The following KPNA3 variants were observed in gnomAD, a reference collection of about 807,000 sequenced individuals.
KPNA3 encodes the protein importin subunit alpha-4.
In KPNA3, 13 loss-of-function variants were observed where a neutral mutation model predicts 73.8. That is an observed-to-expected ratio of 0.18 (90% CI 0.11 to 0.28). The LOEUF (loss-of-function observed/expected upper bound fraction) is 0.28, where lower values mean the gene tolerates loss of function less well. Among genes scored for constraint, KPNA3 ranks in the 10% least tolerant of loss-of-function variants. The probability of loss-of-function intolerance (pLI) is 1.00; values close to 1 mark genes in which losing one functional copy is unlikely to be tolerated. For missense variants in KPNA3, 360 were observed against 618.1 expected (o/e 0.58, Z 4.43); for synonymous variants, 186 against 206.9 (o/e 0.90, Z 0.87).
intron 6 of KPNA3, among the ~76,000 whole-genome samples, chr13:49,729,754 T>G (rs1954444588): frequency 6.6e-6 from 1 of 152,164 alleles, no homozygotes; most frequent in Non-Finnish European, 1.5e-5. Flanking sequence ...CACTCCAGCC[T>G]GGGCAACAGA....
chr13:49,707,316 C>T (rs1279882027), intron 12 of KPNA3, among the ~76,000 whole-genome samples: 2 of 152,076 alleles, frequency 1.3e-5, no homozygotes, highest in African/African-American at 4.8e-5. Flanking sequence ...TTTTGCCATC[C>T]AACTGTGGTA....
At position 49,725,414 on chromosome 13, in the gene KPNA3, A is replaced by T. The variant is rs761879824; in HGVS notation, c.469+2T>A. 6.3e-7 allele frequency: 1 copy of T among 1,589,408 alleles called. No individual in the cohort carries two copies. ...AGTTCAGACAGTAAGGAATTTACTTACTAGACTGCACAACAGCTTGAGTCT... is the reference window on the plus strand; with the variant it reads ...AGTTCAGACAGTAAGGAATTTACTTTCTAGACTGCACAACAGCTTGAGTCT... On this transcript the variant is annotated splice_donor_variant, in intron 7 of 16. Transcript: ENST00000261667. LOFTEE classifies it high-confidence loss of function.
intron 1 of KPNA3, among the ~76,000 whole-genome samples, chr13:49,750,693 T>A (rs1429498211): frequency 6.6e-6 from 1 of 151,454 alleles, no homozygotes. Context: ...TAATGAGTGA[T>A]AAAAATGTGT....
In KPNA3 at chr13:49,762,179, C is replaced by T. The variant is rs1409691626; in HGVS notation, c.70-15186G>A. Among the ~76,000 whole-genome samples the T allele has an allele frequency of 6.7e-5, 10 of 148,248 alleles. 1 individual carries two copies. Among genetic ancestry groups the T allele is most frequent in the African/African-American group, 2.0e-4 (8 of 40,144 alleles). On this transcript the variant is annotated intron_variant, in intron 1 of 16. Transcript: ENST00000261667. ...GGGGGGCAGCCCCCGCCCGGCCAGC[C>T]GCCTCGTCCGGGAGGGAGGTGGAGG...
intron 1 of KPNA3, among the ~76,000 whole-genome samples, chr13:49,790,375 G>C (rs1370743821): frequency 6.6e-6 from 1 of 152,206 alleles, no homozygotes; most frequent in Non-Finnish European, 1.5e-5. Flanking sequence ...GCCATGGTGG[G>C]AAGATTCCTT....
At chr13:49,790,605 G>A (rs1218514117) in intron 1 of KPNA3, among the ~76,000 whole-genome samples, 1 of 152,200 alleles carries the variant, frequency 6.6e-6, no homozygotes, top group African/African-American at 2.4e-5. Flanking sequence ...TCATGTTTTA[G>A]TTACACTATA....
At chr13:49,720,657 C>T (rs190755062) in intron 9 of KPNA3, among the ~76,000 whole-genome samples, 39 of 149,390 alleles carry the variant, frequency 2.6e-4, no homozygotes, top group African/African-American at 6.4e-4. Flanking sequence ...GCTTGAACCC[C>T]GGATGTGGAG....
chr13:49,731,848 G>A (rs1164793580), intron 6 of KPNA3, among the ~76,000 whole-genome samples: 1 of 152,090 alleles, frequency 6.6e-6, no homozygotes, highest in Non-Finnish European at 1.5e-5. Flanking sequence ...AATATAACCT[G>A]TCCCCTTATT....
chr13:49,777,347 C>G (rs1414960108), intron 1 of KPNA3, among the ~76,000 whole-genome samples: 1 of 152,136 alleles, frequency 6.6e-6, no homozygotes, highest in East Asian at 1.9e-4. Context: ...CCAGGACCTC[C>G]TAATACCAAA....
chr13:49,705,472 C>A, intron 15 of KPNA3, 149 bp downstream of exon 15: 2 of 860,760 alleles, frequency 2.3e-6, no homozygotes, highest in Non-Finnish European at 3.5e-6. Context: ...TCTTGGAATG[C>A]AAATATAGTG....
chr13:49,749,155 T>C (rs1184343507), intron 1 of KPNA3, among the ~76,000 whole-genome samples: 1 of 152,236 alleles, frequency 6.6e-6, no homozygotes, highest in Non-Finnish European at 1.5e-5. Context: ...ATCATCTTAA[T>C]TCACACTAAG....
intron 1 of KPNA3, among the ~76,000 whole-genome samples, chr13:49,766,890 A>AT (rs1254769418): frequency 6.6e-6 from 1 of 151,924 alleles, no homozygotes; most frequent in Non-Finnish European, 1.5e-5. Context: ...ATCAACTAGA[A>AT]TTTTTTTAAA....
intron 2 of KPNA3, among the ~76,000 whole-genome samples, chr13:49,743,070 ATGTGGTTATTATCTGCACTTTAGAAGC>A (rs1954587968): frequency 6.6e-6 from 1 of 152,160 alleles, no homozygotes; most frequent in Non-Finnish European, 1.5e-5. Flanking sequence ...TGGATAGTGA[ATGTGGTTATTATCTGCACTTTAGAAGC>A]TTACAATCTA....
rs760306195 is a variant in KPNA3 at position 49,719,775 on chromosome 13, G to A, written c.771C>T (p.Asn257=). ...LCVLIYHTDI[N]ILVDTVWALS... is the part of the protein sequence containing the mutation. ...ACATTTAAGCTGCTTCTTAACTTAC[G>A]TTTATATCTGTATGGTATATGAGGA... The change falls in exon 10 of 17, where the codon AAC becomes AAT. Residue 257 remains asparagine (N), a splice_region_variant and synonymous_variant. Transcript: ENST00000261667. 6 of 1,598,522 alleles carry A rather than the reference G, an allele frequency of 3.8e-6. No individual in the cohort carries two copies. Among genetic ancestry groups the A allele is most frequent in the Admixed American group, 3.4e-5 (2 of 59,216 alleles).
At chr13:49,703,093 C>G in intron 15 of KPNA3, among the ~76,000 whole-genome samples, 1 of 151,982 alleles carries the variant, frequency 6.6e-6, no homozygotes, top group Non-Finnish European at 1.5e-5. Flanking sequence ...TGATCTTGAT[C>G]TCCTGACCTC....
intron 2 of KPNA3, among the ~76,000 whole-genome samples, chr13:49,736,922 TCGTATGGTATATAAC>T (rs1954526996): frequency 6.6e-6 from 1 of 152,198 alleles, no homozygotes; most frequent in Non-Finnish European, 1.5e-5. Flanking sequence ...ATAAATGGGA[TCGTATGGTATATAAC>T]CTTTTTATGA....
intron 1 of KPNA3, among the ~76,000 whole-genome samples, chr13:49,751,262 T>A (rs528974218): frequency 6.6e-6 from 1 of 152,162 alleles, no homozygotes; most frequent in South Asian, 2.1e-4. Context: ...TGTACAACCA[T>A]CCAAATAGTT....
chr13:49,732,833 A>G (rs1449538308), intron 3 of KPNA3, 57 bp from the exon 4 acceptor site: 14 of 1,415,006 alleles, frequency 9.9e-6, no homozygotes, highest in East Asian at 2.3e-5. Flanking sequence ...TACATTCATT[A>G]AACAGTGTAC....
intron 2 of KPNA3, among the ~76,000 whole-genome samples, chr13:49,744,711 G>T (rs1954601921): frequency 6.6e-6 from 1 of 152,026 alleles, no homozygotes; most frequent in African/African-American, 2.4e-5. Flanking sequence ...GACCTCAGGT[G>T]AATTTTTTGA....
Sources: gnomAD v4.1 joint callset for allele counts (sites outside exome capture counted in the v4.1 genomes callset) on GRCh38, gnomAD v4.1.1 for gene constraint, MANE v1.5 for transcripts, NCBI Gene and HGNC (gene_info 2026-07-23, HGNC 2026-07-21) for gene names.